ICA1L: variants seen among roughly 807,000 people sequenced by gnomAD.
ICA1L encodes islet cell autoantigen 1-like protein.
A neutral mutation model predicts 61.3 loss-of-function variants in ICA1L; 50 were observed. The ratio of observed to expected loss-of-function variants is 0.82; its 90% CI spans 0.65 to 1.03. The LOEUF is 1.03. Among genes scored for constraint, ICA1L ranks in the 50% least tolerant of loss-of-function variants. ICA1L has a pLI of 0.00. For missense variants in ICA1L, 508 were observed against 556.7 expected, an observed-to-expected ratio of 0.91 and a Z score of 0.88; for synonymous variants, 161 against 191.3, an observed-to-expected ratio of 0.84 and a Z score of 1.31.
chr2:202,808,961 G>A (rs751524283), intron 9 of ICA1L, among the ~76,000 whole-genome samples: 5 of 152,030 alleles, frequency 3.3e-5, no homozygotes, highest in South Asian at 2.1e-4. Flanking sequence ...TAATAAATAC[G>A]TAACTCTTCA....
rs1292494564 is a variant in ICA1L at position 202,849,684 on chromosome 2, G to A, written c.-7-20668C>T. Among the ~76,000 whole-genome samples, 3 of 152,334 alleles carry A rather than the reference G, an allele frequency of 2.0e-5. No homozygotes were observed. The highest frequency in any genetic ancestry group is 3.4e-3 in the Middle Eastern group (1 of 294). Reference sequence around the variant, plus strand: ...CCCTAGGACAGAGCACCTGGGGGAAGGGGCAACTGTGGGCACAGCTTCAGC... The same window carrying A: ...CCCTAGGACAGAGCACCTGGGGGAAAGGGCAACTGTGGGCACAGCTTCAGC... On this transcript the variant is annotated intron_variant, in intron 1 of 12. Transcript: ENST00000358299. The surrounding 1 kb of genome is among the most constrained non-coding windows in gnomAD (Gnocchi z 4.5).
At chr2:202,865,087 C>T (rs1176378866) in intron 1 of ICA1L, among the ~76,000 whole-genome samples, 1 of 151,572 alleles carries the variant, frequency 6.6e-6, no homozygotes, top group African/African-American at 2.4e-5. Flanking sequence ...TGCTTGAATC[C>T]GGGAGGTGGA....
At chr2:202,859,996 A>G (rs1694867388) in intron 1 of ICA1L, among the ~76,000 whole-genome samples, 1 of 152,030 alleles carries the variant, frequency 6.6e-6, no homozygotes, top group African/African-American at 2.4e-5. Context: ...CATTAAGAAC[A>G]TTTTTGTCTG....
intron 1 of ICA1L, chr2:202,870,408 CTAGA>C (rs1393027867): frequency 6.6e-6 from 1 of 152,096 alleles, no homozygotes; most frequent in Admixed American, 6.5e-5. Flanking sequence ...GTTTCAACGA[CTAGA>C]TAAACAATCA....
intron 10 of ICA1L, among the ~76,000 whole-genome samples, chr2:202,789,780 T>TAAGTA (rs1256988158): frequency 6.6e-6 from 1 of 152,224 alleles, no homozygotes; most frequent in Non-Finnish European, 1.5e-5. Flanking sequence ...TCCATGGTGT[T>TAAGTA]AAGTAAAATG....
At chr2:202,779,844 T>TATG (rs1335399192) in intron 12 of ICA1L, among the ~76,000 whole-genome samples, 196 bp from the exon 13 acceptor site, 1 of 150,506 alleles carries the variant, frequency 6.6e-6, no homozygotes, top group Non-Finnish European at 1.5e-5. Flanking sequence ...GGGGTTTCCC[T>TATG]ATGTTGCCCA....
intron 1 of ICA1L, among the ~76,000 whole-genome samples, chr2:202,867,341 T>C (rs1574393098): frequency 6.6e-6 from 1 of 152,180 alleles, no homozygotes; most frequent in East Asian, 1.9e-4. Context: ...CATCATAGAA[T>C]GTACTTATAC....
chr2:202,829,020 C>T lies in ICA1L; in HGVS notation c.-7-4G>A, dbSNP rs1251381300. ...CCCAAAGGAATCCATGGAGTGACTA[C>T]AATGAACAGACTAAAATTAAACTTC... On this transcript the variant is annotated splice_region_variant and splice_polypyrimidine_tract_variant and intron_variant, in intron 1 of 12. Coordinates refer to ENST00000358299, the MANE Select transcript of ICA1L (RefSeq NM_001288622.3). 1.3e-6 allele frequency: 2 copies of T among 1,539,384 alleles called. No individual in the cohort carries two copies. The highest frequency in any genetic ancestry group is 8.7e-7 in the Non-Finnish European group (1 of 1,149,798).
chr2:202,851,851 TG>T (rs1407082303), intron 1 of ICA1L, among the ~76,000 whole-genome samples: 1 of 152,212 alleles, frequency 6.6e-6, no homozygotes, highest in East Asian at 1.9e-4. Context: ...CACTTTGTGA[TG>T]GGGTTTTTTT....
In ICA1L at chr2:202,776,968, A is replaced by C. The variant is rs1469518159; in HGVS notation, c.*2565T>G. On this transcript the variant is annotated 3_prime_UTR_variant, in exon 13 of 13. Transcript: ENST00000358299. ...CCTTGCACACATGTGAGGGAGATAA[A>C]TATCTCAGAACTAATGCATTAGCAA... 1 of 151,824 alleles carries C rather than the reference A, an allele frequency of 6.6e-6. No homozygotes were observed. Among genetic ancestry groups the C allele is most frequent in the Non-Finnish European group, 1.5e-5 (1 of 68,006 alleles). 9.4% of individuals were successfully genotyped at this position (151,824 alleles called of 1,614,324 possible).
At position 202,843,260 on chromosome 2, in the gene ICA1L, G is replaced by A. The variant is rs1694377299; in HGVS notation, c.-7-14244C>T. Among the ~76,000 whole-genome samples the A allele has an allele frequency of 2.0e-5, 3 of 152,112 alleles. No individual in the cohort carries two copies. In the South Asian group the frequency reaches 6.2e-4, roughly 32 times the overall value. On this transcript the variant is annotated intron_variant, in intron 1 of 12. Transcript: ENST00000358299. ...CAGTTACCTTTTGTAGACTTTATGG[G>A]CTAGTTTCATTGTGGACTGACTTTC...
intron 1 of ICA1L, among the ~76,000 whole-genome samples, chr2:202,838,629 T>C (rs1694218287): frequency 6.6e-6 from 1 of 152,332 alleles, no homozygotes; most frequent in East Asian, 1.9e-4. Context: ...TTTGCAATTA[T>C]TATATCTTCT....
intron 9 of ICA1L, among the ~76,000 whole-genome samples, chr2:202,811,123 T>C (rs1693365204): frequency 6.6e-6 from 1 of 152,144 alleles, no homozygotes; most frequent in African/African-American, 2.4e-5. Flanking sequence ...CCTCCCCTTT[T>C]GAAAATCACT....
intron 1 of ICA1L, among the ~76,000 whole-genome samples, chr2:202,851,787 C>T (rs1389610567): frequency 6.6e-6 from 1 of 152,134 alleles, no homozygotes; most frequent in African/African-American, 2.4e-5. Flanking sequence ...TGTCATGTGT[C>T]TTTTGGCTGC....
At chr2:202,810,687 C>T (rs570907255) in intron 9 of ICA1L, among the ~76,000 whole-genome samples, 53 of 152,302 alleles carry the variant, frequency 3.5e-4, no homozygotes, top group African/African-American at 1.2e-3. Context: ...GCAGGCAGAA[C>T]AGAGCCATAT....
intron 1 of ICA1L, chr2:202,841,225 G>A (rs952194323): frequency 4.4e-5 from 31 of 710,404 alleles, no homozygotes; most frequent in Non-Finnish European, 6.7e-5. Context: ...ATCTCTGTAC[G>A]TTTGTTGATC....
chr2:202,779,786 T>A, intron 12 of ICA1L, 138 bp from the exon 13 acceptor site: 1 of 569,260 alleles, frequency 1.8e-6, no homozygotes, highest in Non-Finnish European at 3.0e-6. Flanking sequence ...CTATCAACTA[T>A]AGTCCCTTTA....
Position 202,788,950 on chromosome 2 carries a change from G to T in ICA1L, c.1123C>A (p.Pro375Thr). The change falls in exon 11 of 13, where the codon CCC becomes ACC. Residue 375 changes from proline (P) to threonine (T), a missense_variant. Transcript: ENST00000358299. ...TCCTGGGATGTGAGACTGGCACTGG[G>T]GCTCCCAAAGGCAGTCTGGCATTCT... ...TQECQTAFGS[P>T]SASLTSQEPS... is the part of the protein sequence containing the mutation. 1.2e-6 allele frequency: 2 copies of T among 1,614,044 alleles called. No individual in the cohort carries two copies. Among genetic ancestry groups the T allele is most frequent in the Non-Finnish European group, 1.7e-6 (2 of 1,180,006 alleles).
intron 10 of ICA1L, among the ~76,000 whole-genome samples, chr2:202,793,494 TAAAAAA>T (rs755015399): frequency 6.4e-5 from 2 of 31,350 alleles, no homozygotes; most frequent in Non-Finnish European, 5.1e-5. Flanking sequence ...CCGTCTCTAC[TAAAAAA>T]AAAAAAAAAA....
Sources: allele counts gnomAD v4.1 joint callset (sites outside exome capture counted in the v4.1 genomes callset), GRCh38; gene constraint gnomAD v4.1.1; non-coding constraint Gnocchi (gnomAD v3.1); transcripts MANE v1.5; gene names NCBI Gene and HGNC (gene_info 2026-07-23, HGNC 2026-07-21).